Variants in TCAIM observed in about 807,000 individuals in gnomAD.
TCAIM encodes T-cell activation inhibitor, mitochondrial.
TCAIM carries 36 observed loss-of-function variants against 58.6 expected under a neutral mutation model. That is an observed-to-expected ratio of 0.61 (90% confidence interval 0.47 to 0.81). The LOEUF (loss-of-function observed/expected upper bound fraction) is 0.81, where lower values mean the gene tolerates loss of function less well. Among genes scored for constraint, TCAIM ranks in the 30% least tolerant of loss-of-function variants. TCAIM has a pLI of 0.00. For synonymous variants in TCAIM, 172 were observed against 193.6 expected (o/e 0.89, Z 0.93); for missense variants, 466 against 579.6 (o/e 0.80, Z 2.01).
At chr3:44,382,872 A>G (rs1268614524) in intron 5 of TCAIM, among the ~76,000 whole-genome samples, 1 of 152,188 alleles carries the variant, frequency 6.6e-6, no homozygotes, top group East Asian at 1.9e-4. Context: ...CAGAATAAAT[A>G]AAGAACTCCT....
intron 5 of TCAIM, among the ~76,000 whole-genome samples, chr3:44,381,301 G>A (rs1034821916): frequency 6.6e-6 from 1 of 152,034 alleles, no homozygotes; most frequent in Non-Finnish European, 1.5e-5. Context: ...TACAAGGATG[G>A]TTCCACATAC....
intron 1 of TCAIM, among the ~76,000 whole-genome samples, chr3:44,350,988 A>AT (rs1262875370): frequency 6.6e-6 from 1 of 151,852 alleles, no homozygotes; most frequent in African/African-American, 2.4e-5. Flanking sequence ...AATAGTCCAA[A>AT]TTTTTTTTGT....
rs1439818989 is a variant in TCAIM at position 44,396,832 on chromosome 3, AAAGT to A, written c.885+2_885+5del. Reference sequence around the variant, plus strand: ...AATGGATGTCCATCACCACTGGACAAAAGTAAGAAAGAGCCTTAAAATTAAAAAC... The same window carrying A: ...AATGGATGTCCATCACCACTGGACAAAAGAAAGAGCCTTAAAATTAAAAAC... On this transcript the variant is annotated splice_donor_variant and coding_sequence_variant, in exon 8 of 11. Coordinates refer to ENST00000342649, the MANE Select transcript of TCAIM (RefSeq NM_173826.4). LOFTEE classifies it high-confidence loss of function. 2 of 1,612,078 alleles carry A rather than the reference AAAGT, an allele frequency of 1.2e-6. No individual in the cohort carries two copies. Among genetic ancestry groups the A allele is most frequent in the African/African-American group, 1.3e-5 (1 of 74,864 alleles).
chr3:44,401,753 C>T (rs1375369997), intron 10 of TCAIM, among the ~76,000 whole-genome samples: 3 of 152,128 alleles, frequency 2.0e-5, no homozygotes, highest in African/African-American at 4.8e-5. Flanking sequence ...ATCTTAGGCC[C>T]GGCACGGTGG....
chr3:44,364,768 A>C (rs948956339), intron 4 of TCAIM, among the ~76,000 whole-genome samples: 6 of 151,886 alleles, frequency 4.0e-5, no homozygotes. Context: ...AAAAATCTTT[A>C]GCCTCAGTAT....
chr3:44,389,060 G>T (rs1230392547), intron 5 of TCAIM, among the ~76,000 whole-genome samples: 1 of 152,242 alleles, frequency 6.6e-6, no homozygotes, highest in African/African-American at 2.4e-5. Context: ...GGGAGGCCGA[G>T]GTGGGTGGAT....
chr3:44,374,878 G>A lies in TCAIM; in HGVS notation c.572+7170G>A, dbSNP rs1575259558. Among the ~76,000 whole-genome samples the A allele has an allele frequency of 4.6e-5, 7 of 152,326 alleles. No individual in the cohort carries two copies. The South Asian group carries it at 1.2e-3, about 27-fold the overall frequency. On this transcript the variant is annotated intron_variant, in intron 5 of 10. Transcript: ENST00000342649. The stretch of plus-strand genomic sequence containing the variant: ...GTTTTATACAGTTTGAAGCCTAGGA[G>A]TGTAAAATTTATGCAATTTTAACTT...
At chr3:44,359,811 G>T (rs1184768053) in intron 3 of TCAIM, 1 of 152,210 alleles carries the variant, frequency 6.6e-6, no homozygotes, top group Non-Finnish European at 1.5e-5. Context: ...CAGCTTGTCT[G>T]AGTTCTGTGA....
intron 8 of TCAIM, among the ~76,000 whole-genome samples, chr3:44,399,071 T>A (rs186042400): frequency 2.0e-5 from 3 of 152,192 alleles, no homozygotes; most frequent in Non-Finnish European, 2.9e-5. Context: ...GGAACTCCTG[T>A]GTGTTTTGAC....
At chr3:44,357,385 T>C (rs889932268) in intron 2 of TCAIM, among the ~76,000 whole-genome samples, 16 of 37,728 alleles carry the variant, frequency 4.2e-4, no homozygotes, top group African/African-American at 8.9e-4. Flanking sequence ...TAGACAGATA[T>C]ATATAGAAAG....
intron 1 of TCAIM, among the ~76,000 whole-genome samples, chr3:44,344,595 T>C (rs1700926402): frequency 6.6e-6 from 1 of 152,172 alleles, no homozygotes; most frequent in Non-Finnish European, 1.5e-5. Context: ...GTAATTTTCC[T>C]TTTTTCTGAT....
intron 5 of TCAIM, among the ~76,000 whole-genome samples, chr3:44,386,738 T>A (rs9637423): frequency 0.47 from 72,242 of 152,164 alleles, 18,764 homozygotes; most frequent in East Asian, 0.81. Context: ...CTTTGGGCGC[T>A]GATGAGCACA....
At chr3:44,379,500 A>G (rs1259896320) in intron 5 of TCAIM, among the ~76,000 whole-genome samples, 2 of 152,246 alleles carry the variant, frequency 1.3e-5, no homozygotes, top group African/African-American at 4.8e-5. Flanking sequence ...GGACTGGTTA[A>G]GGGAAATGTG....
chr3:44,362,657 A>G (rs1001463535), intron 4 of TCAIM: 6 of 366,492 alleles, frequency 1.6e-5, no homozygotes, highest in African/African-American at 8.4e-5. Context: ...ATATTTAAAG[A>G]TAGAAAGTCA....
At chr3:44,394,196 C>T (rs1192128177) in intron 6 of TCAIM, among the ~76,000 whole-genome samples, 1 of 152,058 alleles carries the variant, frequency 6.6e-6, no homozygotes, top group African/African-American at 2.4e-5. Flanking sequence ...ATAGTATTTA[C>T]ATGTTCTGTT....
At chr3:44,348,262 CCATCAGGCAG>C (rs1225482058) in intron 1 of TCAIM, among the ~76,000 whole-genome samples, 15 of 152,296 alleles carry the variant, frequency 9.8e-5, no homozygotes, top group Admixed American at 2.6e-4. Flanking sequence ...GCTTCCGAGG[CCATCAGGCAG>C]CATCAGTCTT....
chr3:44,381,351 G>A (rs1026095379), intron 5 of TCAIM, among the ~76,000 whole-genome samples: 1 of 151,980 alleles, frequency 6.6e-6, no homozygotes, highest in Non-Finnish European at 1.5e-5. Flanking sequence ...GAATGAAGGA[G>A]AAACCCCACG....
At chr3:44,385,157 G>A (rs2125647527) in intron 5 of TCAIM, among the ~76,000 whole-genome samples, 1 of 152,288 alleles carries the variant, frequency 6.6e-6, no homozygotes, top group East Asian at 1.9e-4. Flanking sequence ...AAATCAAAGG[G>A]AATTTTATTA....
intron 6 of TCAIM, 77 bp from the exon 7 acceptor site, chr3:44,396,323 T>C (rs767592160): frequency 1.2e-5 from 15 of 1,226,542 alleles, no homozygotes; most frequent in Non-Finnish European, 1.6e-5. Context: ...TTCCAAGGAC[T>C]CCAGTAGTTG....
Sources: allele counts gnomAD v4.1 joint callset (sites outside exome capture counted in the v4.1 genomes callset), GRCh38; gene constraint gnomAD v4.1.1; transcripts MANE v1.5; gene names NCBI Gene and HGNC (gene_info 2026-07-23, HGNC 2026-07-21).